The following PARD3B variants were observed in gnomAD, a reference collection of about 807,000 sequenced individuals.
The protein encoded by PARD3B is par-3 family cell polarity regulator beta, also known as partitioning defective 3 homolog B.
A neutral mutation model predicts 130.2 loss-of-function variants in PARD3B; 103 were observed. The ratio of observed to expected loss-of-function variants is 0.79; its 90% CI spans 0.67 to 0.93. PARD3B has a LOEUF of 0.93. Among genes scored for constraint, PARD3B ranks in the 40% least tolerant of loss-of-function variants. PARD3B has a pLI of 0.00. For missense variants in PARD3B, 1,609 were observed against 1,499.2 expected, an observed-to-expected ratio of 1.07 and a Z score of -1.21; for synonymous variants, 583 against 553.2, an observed-to-expected ratio of 1.05 and a Z score of -0.76.
chr2:204,568,661 G>T (rs959631951), intron 1 of PARD3B, among the ~76,000 whole-genome samples: 11 of 152,046 alleles, frequency 7.2e-5, no homozygotes, highest in Non-Finnish European at 1.3e-4. Context: ...TTTCATTCAA[G>T]AAAAAATTAC....
intron 3 of PARD3B, among the ~76,000 whole-genome samples, chr2:204,983,629 G>A (rs186711677): frequency 2.0e-5 from 3 of 152,222 alleles, no homozygotes; most frequent in East Asian, 3.9e-4. Context: ...AAAACACCAG[G>A]TGCAAAAAGA....
chr2:204,759,105 T>C (rs1245091590), intron 2 of PARD3B, among the ~76,000 whole-genome samples: 2 of 152,166 alleles, frequency 1.3e-5, no homozygotes, highest in East Asian at 3.9e-4. Flanking sequence ...TGATTGTCCT[T>C]CTTCTTGTAA....
intron 15 of PARD3B, among the ~76,000 whole-genome samples, chr2:205,200,421 A>AT (rs751427496): frequency 7.9e-5 from 12 of 152,200 alleles, no homozygotes; most frequent in Non-Finnish European, 1.5e-4. Context: ...ACAAAACAGG[A>AT]TTTTTTCCTT....
At chr2:204,668,783 C>T (rs935289407) in intron 1 of PARD3B, among the ~76,000 whole-genome samples, 13 of 152,094 alleles carry the variant, frequency 8.5e-5, no homozygotes, top group African/African-American at 2.9e-4. Context: ...TGTTACATGA[C>T]AAATGAGAAT....
intron 2 of PARD3B, among the ~76,000 whole-genome samples, chr2:204,948,517 T>C (rs1689512693): frequency 6.6e-6 from 1 of 152,144 alleles, no homozygotes; most frequent in South Asian, 2.1e-4. Context: ...TGGGTTCACC[T>C]TTGCCAAAAA....
chr2:205,043,067 G>GA (rs1191329730), intron 3 of PARD3B, among the ~76,000 whole-genome samples: 6 of 151,318 alleles, frequency 4.0e-5, no homozygotes, highest in African/African-American at 1.2e-4. Context: ...TTAATTAGCT[G>GA]AAAAAAAACT....
chr2:204,777,633 G>A (rs116677906), intron 2 of PARD3B, among the ~76,000 whole-genome samples: 2 of 152,240 alleles, frequency 1.3e-5, no homozygotes, highest in African/African-American at 4.8e-5. Context: ...GCCAGGAATT[G>A]TGGTGCATGC....
Position 204,582,442 on chromosome 2 carries a change from T to C in PARD3B, c.120+36323T>C, listed in dbSNP as rs147529441. Among the ~76,000 whole-genome samples the C allele has an allele frequency of 2.8e-3, 425 of 152,340 alleles. 1 individual carries two copies. Among genetic ancestry groups the C allele is most frequent in the Middle Eastern group, 0.017 (5 of 294 alleles). On this transcript the variant is annotated intron_variant, in intron 1 of 22. Coordinates refer to ENST00000406610, the MANE Select transcript of PARD3B (RefSeq NM_001302769.2). Reference sequence around the variant, plus strand: ...AGTTCTTTGATTTCTTTCTTGGGATTAGTTTTTTCTTGACTATCAAGAAAG... The same window carrying C: ...AGTTCTTTGATTTCTTTCTTGGGATCAGTTTTTTCTTGACTATCAAGAAAG...
At chr2:204,563,883 C>T (rs140706731) in intron 1 of PARD3B, among the ~76,000 whole-genome samples, 2,300 of 152,274 alleles carry the variant, frequency 0.015, 65 homozygotes, top group African/African-American at 0.053. Flanking sequence ...ACGCCATTCT[C>T]CTGCCTCAGC....
rs182731780 is a variant in PARD3B, at chr2:205,563,636, A to C, written c.3260+10233A>C. On this transcript the variant is annotated intron_variant, in intron 22 of 22. Coordinates refer to ENST00000406610, the MANE Select transcript of PARD3B (RefSeq NM_001302769.2). This position sits in a 1 kb window ranked among gnomAD's most constrained non-coding sequence, Gnocchi z 4.2. ...GGTTCCAGAGAAAATAGAAAATGTCAAAACCTACGGGTTGTAAAAAAAAAA... is the reference window on the plus strand; with the variant it reads ...GGTTCCAGAGAAAATAGAAAATGTCCAAACCTACGGGTTGTAAAAAAAAAA... Among the ~76,000 whole-genome samples the C allele has an allele frequency of 7.4e-6, 1 of 135,788 alleles. No individual in the cohort carries two copies. The highest frequency in any genetic ancestry group is 2.2e-4 in the East Asian group (1 of 4,638). 89.1% of individuals were successfully genotyped at this position (135,788 alleles called of 152,430 possible).
At chr2:205,429,768 C>G (rs938151540) in intron 19 of PARD3B, among the ~76,000 whole-genome samples, 1 of 152,128 alleles carries the variant, frequency 6.6e-6, no homozygotes. Flanking sequence ...AACTTGGTGC[C>G]TTTACTACAA....
At chr2:205,039,047 T>C (rs980193302) in intron 3 of PARD3B, among the ~76,000 whole-genome samples, 3 of 152,094 alleles carry the variant, frequency 2.0e-5, no homozygotes, top group Non-Finnish European at 4.4e-5. Flanking sequence ...TGCTATAAAT[T>C]GTGCTGCTAT....
intron 2 of PARD3B, among the ~76,000 whole-genome samples, chr2:204,852,930 G>T (rs867193867): frequency 6.6e-6 from 1 of 151,976 alleles, no homozygotes; most frequent in Non-Finnish European, 1.5e-5. Flanking sequence ...GTTCTTTCAG[G>T]TCCTAAGTTA....
At chr2:204,916,903 T>G (rs1011136474) in intron 2 of PARD3B, among the ~76,000 whole-genome samples, 2 of 152,214 alleles carry the variant, frequency 1.3e-5, no homozygotes, top group Admixed American at 6.5e-5. Context: ...ACCAGTAAAC[T>G]TTAAAGTATT....
intron 15 of PARD3B, among the ~76,000 whole-genome samples, chr2:205,223,378 A>G (rs10206071): frequency 0.24 from 37,208 of 152,150 alleles, 5,199 homozygotes; most frequent in East Asian, 0.38. Context: ...GTAGAGTTAC[A>G]GAGACAGAGG....
At chr2:205,085,429 T>C (rs1483654925) in intron 4 of PARD3B, among the ~76,000 whole-genome samples, 1 of 152,012 alleles carries the variant, frequency 6.6e-6, no homozygotes, top group Non-Finnish European at 1.5e-5. Context: ...TGGAAAATCT[T>C]TAGAACTTTT....
chr2:205,524,542 G>C (rs548710287), intron 21 of PARD3B, among the ~76,000 whole-genome samples: 3 of 152,138 alleles, frequency 2.0e-5, no homozygotes, highest in Non-Finnish European at 2.9e-5. Flanking sequence ...CAGCCGTCTC[G>C]TCCTCTATTG....
chr2:205,400,960 C>A, intron 18 of PARD3B, 53 bp from the exon 19 acceptor site: 3 of 1,332,872 alleles, frequency 2.3e-6, no homozygotes, highest in Non-Finnish European at 3.2e-6. Flanking sequence ...CTTAGCTCTA[C>A]CGCAAAAACA....
chr2:204,821,817 C>T (rs1370816449), intron 2 of PARD3B, among the ~76,000 whole-genome samples: 1 of 152,186 alleles, frequency 6.6e-6, no homozygotes, highest in Non-Finnish European at 1.5e-5. Context: ...TCTTGCCTTC[C>T]ACCATGATTG....
Sources: allele counts gnomAD v4.1 joint callset (sites outside exome capture counted in the v4.1 genomes callset), GRCh38; gene constraint gnomAD v4.1.1; non-coding constraint Gnocchi (gnomAD v3.1); transcripts MANE v1.5; gene names NCBI Gene and HGNC (gene_info 2026-07-23, HGNC 2026-07-21).